The following BRINP3 variants were observed in gnomAD, a reference collection of about 807,000 sequenced individuals.
BRINP3 encodes the protein BMP/retinoic acid-inducible neural-specific protein 3.
A neutral mutation model predicts 71.0 loss-of-function variants in BRINP3; 19 were observed. That is an observed-to-expected ratio of 0.27 (90% CI 0.19 to 0.39). The LOEUF (loss-of-function observed/expected upper bound fraction) is 0.39. Ranked by LOEUF, BRINP3 falls within the 10% of genes least tolerant of loss-of-function variation. The pLI, the probability that BRINP3 is intolerant of heterozygous loss-of-function variation, is 1.00. For missense variants in BRINP3, 959 were observed against 940.8 expected (o/e 1.02, Z -0.25); for synonymous variants, 380 against 337.7 (o/e 1.13, Z -1.37).
At chr1:190,443,039 A>T (rs1215402942) in intron 2 of BRINP3, among the ~76,000 whole-genome samples, 1 of 151,198 alleles carries the variant, frequency 6.6e-6, no homozygotes, top group Non-Finnish European at 1.5e-5. Context: ...CGGCCTCCCA[A>T]GTAGCTGGGA....
intron 3 of BRINP3, among the ~76,000 whole-genome samples, chr1:190,277,961 G>T (rs1662732775): frequency 6.6e-6 from 1 of 151,528 alleles, no homozygotes; most frequent in African/African-American, 2.4e-5. Context: ...ATTGAAGAAT[G>T]TTTTTTATAA....
rs146745015 is a variant in BRINP3, at chr1:190,222,534, A to C, written c.961+3548T>G. On this transcript the variant is annotated intron_variant, in intron 6 of 7. Coordinates refer to ENST00000367462, the MANE Select transcript of BRINP3 (RefSeq NM_199051.3). ...AACCAAACCCCAAATTAATAGAAGA[A>C]ATAATAAAAATCACAGCAGATATGA... 2.6e-3 allele frequency among the ~76,000 whole-genome samples: 397 copies of C among 152,048 alleles called. 3 individuals are homozygous for C. Among genetic ancestry groups the C allele is most frequent in the African/African-American group, 9.2e-3 (384 of 41,540 alleles).
intron 2 of BRINP3, among the ~76,000 whole-genome samples, chr1:190,413,714 G>C (rs1242346945): frequency 1.3e-5 from 2 of 152,062 alleles, no homozygotes; most frequent in South Asian, 4.1e-4. Context: ...GTGGCCTTCG[G>C]TACTGTGACA....
At chr1:190,328,122 T>G (rs983674782) in intron 2 of BRINP3, among the ~76,000 whole-genome samples, 5 of 151,896 alleles carry the variant, frequency 3.3e-5, no homozygotes, top group African/African-American at 1.2e-4. Flanking sequence ...GATCTCAAAC[T>G]GATGAATTAA....
intron 2 of BRINP3, among the ~76,000 whole-genome samples, chr1:190,414,906 A>G (rs1042908460): frequency 1.3e-5 from 2 of 152,224 alleles, no homozygotes; most frequent in African/African-American, 4.8e-5. Context: ...TCTAGTAATC[A>G]TAAATATTTG....
chr1:190,198,677 C>T (rs977675239), intron 6 of BRINP3, among the ~76,000 whole-genome samples: 9 of 152,140 alleles, frequency 5.9e-5, no homozygotes, highest in African/African-American at 1.9e-4. Context: ...GTCACCTTTG[C>T]TCAAGTTCCC....
At chr1:190,207,628 G>T (rs1655624904) in intron 6 of BRINP3, among the ~76,000 whole-genome samples, 1 of 152,072 alleles carries the variant, frequency 6.6e-6, no homozygotes, top group Non-Finnish European at 1.5e-5. Context: ...AATGGAGAAG[G>T]TCGAAAGGAC....
intron 2 of BRINP3, among the ~76,000 whole-genome samples, chr1:190,295,288 T>C (rs1001533136): frequency 6.6e-6 from 1 of 152,120 alleles, no homozygotes; most frequent in African/African-American, 2.4e-5. Flanking sequence ...TTCTGTCCTT[T>C]GTTGTTTTAA....
At chr1:190,414,043 G>A (rs1423334581) in intron 2 of BRINP3, among the ~76,000 whole-genome samples, 2 of 152,034 alleles carry the variant, frequency 1.3e-5, no homozygotes, top group Admixed American at 6.5e-5. Flanking sequence ...GGTTACAGCA[G>A]TCTTGAAGTC....
intron 6 of BRINP3, among the ~76,000 whole-genome samples, chr1:190,218,519 A>G (rs184160810): frequency 2.4e-4 from 36 of 152,258 alleles, no homozygotes; most frequent in Admixed American, 4.6e-4. Context: ...TATAATGAAG[A>G]ATGAGTAATT....
At chr1:190,294,143 T>C (rs906959076) in intron 2 of BRINP3, among the ~76,000 whole-genome samples, 1 of 152,184 alleles carries the variant, frequency 6.6e-6, no homozygotes, top group African/African-American at 2.4e-5. Flanking sequence ...TTATTTCCTC[T>C]GGTGGTATTT....
At chr1:190,233,498 G>T (rs1158372763) in intron 5 of BRINP3, among the ~76,000 whole-genome samples, 1 of 152,104 alleles carries the variant, frequency 6.6e-6, no homozygotes, top group East Asian at 1.9e-4. Context: ...CATTTTTCAA[G>T]ATTGCAAAGT....
intron 4 of BRINP3, among the ~76,000 whole-genome samples, chr1:190,258,234 A>G (rs566712041): frequency 2.0e-5 from 3 of 152,246 alleles, no homozygotes; most frequent in Admixed American, 6.5e-5. Flanking sequence ...TTGCAGGTCA[A>G]TCTCAGTCTG....
At chr1:190,373,743 CA>C (rs1670014328) in intron 2 of BRINP3, among the ~76,000 whole-genome samples, 1 of 151,694 alleles carries the variant, frequency 6.6e-6, no homozygotes, top group Non-Finnish European at 1.5e-5. Flanking sequence ...AGCTCTTATA[CA>C]GGGGGTGAGA....
chr1:190,463,645 T>C (rs1269339481), intron 1 of BRINP3, among the ~76,000 whole-genome samples: 1 of 151,868 alleles, frequency 6.6e-6, no homozygotes, highest in Non-Finnish European at 1.5e-5. Context: ...ATAAATTCTA[T>C]ATATTCTGTA....
At chr1:190,203,729 A>G (rs1655216687) in intron 6 of BRINP3, among the ~76,000 whole-genome samples, 1 of 125,330 alleles carries the variant, frequency 8.0e-6, no homozygotes, top group Admixed American at 9.1e-5. Flanking sequence ...TTTTAGCAGA[A>G]AGCAAGATAT....
Position 190,312,009 on chromosome 1 carries a change from A to G in BRINP3, c.237-30259T>C, listed in dbSNP as rs550550222. Among the ~76,000 whole-genome samples the G allele has an allele frequency of 1.1e-3, 156 of 141,970 alleles. 4 individuals carry two copies. In the South Asian group the frequency reaches 0.035, roughly 31 times the overall value. 93.1% of individuals were successfully genotyped at this position (141,970 alleles called of 152,430 possible). ...AAACTCAACACTGTCTAGAAAATAT[A>G]AAAAATACATGATATTTGAAAAGTC... On this transcript the variant is annotated intron_variant, in intron 2 of 7. Transcript: ENST00000367462.
chr1:190,170,324 C>T (rs1213710921), intron 6 of BRINP3, among the ~76,000 whole-genome samples: 1 of 151,956 alleles, frequency 6.6e-6, no homozygotes, highest in Admixed American at 6.6e-5. Context: ...AGGGTGAGAA[C>T]AATGTTTTAT....
intron 6 of BRINP3, among the ~76,000 whole-genome samples, chr1:190,164,663 T>C (rs997534226): frequency 1.3e-5 from 2 of 152,112 alleles, no homozygotes; most frequent in Non-Finnish European, 2.9e-5. Context: ...TGATCATAGC[T>C]CATTGTAACC....
Sources: allele counts gnomAD v4.1 joint callset (sites outside exome capture counted in the v4.1 genomes callset), GRCh38; gene constraint gnomAD v4.1.1; transcripts MANE v1.5; gene names NCBI Gene and HGNC (gene_info 2026-07-23, HGNC 2026-07-21).